The following LRP1B variants were observed in gnomAD, a reference collection of about 807,000 sequenced individuals.
LRP1B encodes the protein LDL receptor related protein 1B.
LRP1B carries 217 observed loss-of-function variants against 556.6 expected under a neutral mutation model. That is an observed-to-expected ratio of 0.39 (90% CI 0.35 to 0.44). LRP1B has a LOEUF of 0.44. Among genes scored for constraint, LRP1B ranks in the 20% least tolerant of loss-of-function variants. The pLI, the probability that LRP1B is intolerant of heterozygous loss-of-function variation, is 1.00. For missense variants in LRP1B, 5,053 were observed against 5,620.8 expected (o/e 0.90, Z 3.23); for synonymous variants, 2,047 against 1,865.8 (o/e 1.10, Z -2.50).
At chr2:140,586,327 C>T (rs1445529634) in intron 43 of LRP1B, among the ~76,000 whole-genome samples, 1 of 152,010 alleles carries the variant, frequency 6.6e-6, no homozygotes, top group Non-Finnish European at 1.5e-5. Flanking sequence ...TGGCAACATA[C>T]ACAGAAAAAA....
rs115572344 is a variant in LRP1B at position 140,993,476 on chromosome 2, T to C, written c.2644+519A>G. Reference sequence around the variant, plus strand: ...AAGCCAAAGAGGGGAAAGTCAAACATTGATTTCTGAGTGCCCATATGTGTT... The same window carrying C: ...AAGCCAAAGAGGGGAAAGTCAAACACTGATTTCTGAGTGCCCATATGTGTT... On this transcript the variant is annotated intron_variant, in intron 16 of 90. Transcript: ENST00000389484. 3.4e-3 allele frequency among the ~76,000 whole-genome samples: 517 copies of C among 152,160 alleles called. 3 individuals are homozygous for C. Among genetic ancestry groups the C allele is most frequent in the African/African-American group, 0.012 (500 of 41,552 alleles).
chr2:141,275,797 G>C (rs1009134393), intron 3 of LRP1B, among the ~76,000 whole-genome samples: 2 of 152,110 alleles, frequency 1.3e-5, no homozygotes, highest in African/African-American at 4.8e-5. Flanking sequence ...AAAGCTAAAA[G>C]TGGGGTGTCT....
chr2:141,417,684 T>C (rs1679955815), intron 3 of LRP1B, among the ~76,000 whole-genome samples: 1 of 152,012 alleles, frequency 6.6e-6, no homozygotes, highest in South Asian at 2.1e-4. Context: ...AGTGCAAATA[T>C]CTCTTGAAGA....
At chr2:141,660,441 G>A (rs1690171316) in intron 2 of LRP1B, among the ~76,000 whole-genome samples, 1 of 152,052 alleles carries the variant, frequency 6.6e-6, no homozygotes, top group African/African-American at 2.4e-5. Context: ...TCAGGGAGTG[G>A]GGCGGCAGCC....
intron 2 of LRP1B, among the ~76,000 whole-genome samples, chr2:141,731,569 T>C (rs1693274544): frequency 6.6e-6 from 1 of 152,160 alleles, no homozygotes; most frequent in Non-Finnish European, 1.5e-5. Context: ...AAGCTTTGTC[T>C]TACACTTTCA....
intron 1 of LRP1B, among the ~76,000 whole-genome samples, chr2:142,104,076 C>T (rs1264926798): frequency 2.0e-5 from 3 of 152,120 alleles, no homozygotes; most frequent in African/African-American, 7.2e-5. Context: ...TTCTTTTCCA[C>T]TTCCTTTTTC....
intron 3 of LRP1B, among the ~76,000 whole-genome samples, chr2:141,297,897 T>A (rs1686242720): frequency 6.6e-6 from 1 of 152,194 alleles, no homozygotes; most frequent in Non-Finnish European, 1.5e-5. Flanking sequence ...TGTCACCTAG[T>A]AGCAATAGTC....
intron 4 of LRP1B, among the ~76,000 whole-genome samples, chr2:141,252,694 A>G (rs549372829): frequency 3.9e-5 from 6 of 152,044 alleles, no homozygotes; most frequent in Non-Finnish European, 8.8e-5. Context: ...TCTTCTTTCT[A>G]CTTAGCCAGA....
At chr2:140,553,804 CA>C (rs1433211038) in intron 43 of LRP1B, among the ~76,000 whole-genome samples, 1 of 152,022 alleles carries the variant, frequency 6.6e-6, no homozygotes, top group Non-Finnish European at 1.5e-5. Flanking sequence ...GAGAGGTTTT[CA>C]GAAGCCTAGA....
chr2:140,309,271 C>G (rs1485837974), intron 83 of LRP1B, among the ~76,000 whole-genome samples: 3 of 151,812 alleles, frequency 2.0e-5, no homozygotes, highest in African/African-American at 7.2e-5. Context: ...AGCTCCCTCC[C>G]AGGTACTTCT....
At chr2:141,122,956 G>T (rs1277249747) in intron 7 of LRP1B, among the ~76,000 whole-genome samples, 4 of 152,056 alleles carry the variant, frequency 2.6e-5, no homozygotes, top group African/African-American at 4.8e-5. Flanking sequence ...GTAGGGACAT[G>T]GATGAAGCTG....
intron 1 of LRP1B, among the ~76,000 whole-genome samples, chr2:141,886,768 T>G (rs1176172196): frequency 1.3e-5 from 2 of 152,186 alleles, no homozygotes; most frequent in Non-Finnish European, 2.9e-5. Flanking sequence ...TAGAGTACTG[T>G]ACTTTTGCTT....
chr2:140,650,742 A>T (rs1684654995), intron 41 of LRP1B, among the ~76,000 whole-genome samples: 1 of 152,204 alleles, frequency 6.6e-6, no homozygotes, highest in African/African-American at 2.4e-5. Context: ...CCACTGAAAC[A>T]ACTTAAAAAT....
At chr2:141,403,432 T>C (rs1219773736) in intron 3 of LRP1B, among the ~76,000 whole-genome samples, 1 of 152,146 alleles carries the variant, frequency 6.6e-6, no homozygotes, top group East Asian at 1.9e-4. Context: ...TTAACTGTTT[T>C]AGGAATGTGA....
intron 3 of LRP1B, among the ~76,000 whole-genome samples, chr2:141,349,683 T>C (rs1688377783): frequency 1.3e-5 from 2 of 152,120 alleles, no homozygotes; most frequent in African/African-American, 4.8e-5. Flanking sequence ...GAAAATCAAC[T>C]TGTTAGATAT....
Position 141,347,436 on chromosome 2 carries a change from G to T in LRP1B, c.344-92795C>A, listed in dbSNP as rs928946934. Among the ~76,000 whole-genome samples, 11 of 151,648 alleles carry T rather than the reference G, an allele frequency of 7.3e-5. No homozygotes were observed. The South Asian group carries it at 1.2e-3, about 17-fold the overall frequency. On this transcript the variant is annotated intron_variant, in intron 3 of 90. Coordinates refer to ENST00000389484, the MANE Select transcript of LRP1B (RefSeq NM_018557.3). ...TTTACCCATTGAAACTTAAAAGTATGTGTTAAATTAACCATACAGTAACCT... is the reference window on the plus strand; with the variant it reads ...TTTACCCATTGAAACTTAAAAGTATTTGTTAAATTAACCATACAGTAACCT...
intron 62 of LRP1B, among the ~76,000 whole-genome samples, chr2:140,451,930 G>T (rs928282087): frequency 5.3e-5 from 8 of 151,896 alleles, no homozygotes; most frequent in Non-Finnish European, 4.4e-5. Context: ...TAAACAAAAA[G>T]TCATGAGAAA....
At chr2:140,406,982 T>C (rs1684768128) in intron 66 of LRP1B, among the ~76,000 whole-genome samples, 1 of 152,080 alleles carries the variant, frequency 6.6e-6, no homozygotes, top group Non-Finnish European at 1.5e-5. Context: ...ATGGTGCTGG[T>C]ATAAAATCGG....
chr2:141,782,037 C>A (rs1020860237), intron 2 of LRP1B, among the ~76,000 whole-genome samples: 8 of 152,124 alleles, frequency 5.3e-5, no homozygotes, highest in Non-Finnish European at 8.8e-5. Context: ...ACAAAAAACA[C>A]CTCAAGACTG....
Sources: allele counts gnomAD v4.1 joint callset (sites outside exome capture counted in the v4.1 genomes callset), GRCh38; gene constraint gnomAD v4.1.1; transcripts MANE v1.5; gene names NCBI Gene and HGNC (gene_info 2026-07-23, HGNC 2026-07-21).